The following CDK12 variants were observed in gnomAD, a reference collection of about 807,000 sequenced individuals.
CDK12 encodes cyclin-dependent kinase 12.
CDK12 carries 17 observed loss-of-function variants against 133.8 expected under a neutral mutation model. The observed-to-expected ratio is 0.13, with a 90% CI of 0.09 to 0.19. CDK12 has a LOEUF of 0.19. Ranked by LOEUF, CDK12 falls within the 10% of genes least tolerant of loss-of-function variation. CDK12 has a pLI of 1.00. For missense variants in CDK12, 1,508 were observed against 1,818.7 expected, an observed-to-expected ratio of 0.83 and a Z score of 3.11; for synonymous variants, 694 against 683.6, an observed-to-expected ratio of 1.02 and a Z score of -0.24.
rs1224696509 is a variant in CDK12 at position 39,499,224 on chromosome 17, TG to T, written c.2420-2025del. Reference sequence around the variant, plus strand: ...CTTTCTTTCCTTTTTTTTTTTTTTTTGAGACAGAGTCTTGCTCTTTTTGCCC... The same window carrying T: ...CTTTCTTTCCTTTTTTTTTTTTTTTTAGACAGAGTCTTGCTCTTTTTGCCC... On this transcript the variant is annotated intron_variant, in intron 5 of 13. Transcript: ENST00000447079. 3.8e-5 allele frequency among the ~76,000 whole-genome samples: 4 copies of T among 104,794 alleles called. 1 individual carries two copies. The highest frequency in any genetic ancestry group is 1.9e-4 in the African/African-American group (4 of 20,662). The allele number at this position is 104,794 out of a possible 152,430, so 68.7% of individuals were successfully genotyped here.
intron 9 of CDK12, 26 bp downstream of exon 9, chr17:39,515,834 T>C: frequency 6.7e-7 from 1 of 1,483,976 alleles, no homozygotes; most frequent in Non-Finnish European, 9.3e-7. Flanking sequence ...TGCTCTTGAG[T>C]GCCCAGGTGT....
chr17:39,462,614 G>A lies in CDK12; in HGVS notation c.543G>A (p.Lys181=), dbSNP rs908457937. Residue 181 remains lysine (K), a synonymous_variant, in exon 1 of 14, where the codon AAG becomes AAA. Coordinates refer to ENST00000447079, the MANE Select transcript of CDK12 (RefSeq NM_016507.4). ...SKESRSSKLH[K]EKTRKERELK... ...AATCCAGGTCATCCAAGCTCCACAA[G>A]GAGAAGACCAGGAAAGAACGGGAGC... 3.1e-6 allele frequency: 5 copies of A among 1,614,118 alleles called. No homozygotes were observed. The highest frequency in any genetic ancestry group is 2.2e-5 in the East Asian group (1 of 44,868).
At chr17:39,528,622 AC>A (rs1463551646) in intron 13 of CDK12, among the ~76,000 whole-genome samples, 1 of 152,238 alleles carries the variant, frequency 6.6e-6, no homozygotes, top group Non-Finnish European at 1.5e-5. Flanking sequence ...GGCATGAGCC[AC>A]CATGCCCAGC....
chr17:39,466,876 T>A (rs775462421), intron 1 of CDK12, among the ~76,000 whole-genome samples: 17 of 152,004 alleles, frequency 1.1e-4, no homozygotes, highest in African/African-American at 1.4e-4. Context: ...TACAAAAATT[T>A]TGTAGAGTCA....
At position 39,494,620 on chromosome 17, in the gene CDK12, T is replaced by G. The variant is rs763275067; in HGVS notation, c.2345T>G (p.Ile782Ser). 1.2e-6 allele frequency: 2 copies of G among 1,610,948 alleles called. No homozygotes were observed. Among genetic ancestry groups the G allele is most frequent in the Non-Finnish European group, 1.7e-6 (2 of 1,178,046 alleles). The change falls in exon 5 of 14, where the codon ATC (isoleucine) becomes AGC (serine). Residue 782 changes from isoleucine to serine, a missense_variant. Physicochemically the swap from Ile to Ser is moderately radical, Grantham distance 142. This residue lies in a region of CDK12 where 74 missense variants were observed against 160.2 expected (regional missense o/e 0.46). Coordinates refer to ENST00000447079, the MANE Select transcript of CDK12 (RefSeq NM_016507.4). ...GAAATCAAAATCCTTCGTCAGTTAATCCACCGAAGTGTTGTTAACATGAAG... is the reference window on the plus strand; with the variant it reads ...GAAATCAAAATCCTTCGTCAGTTAAGCCACCGAAGTGTTGTTAACATGAAG... ...IREIKILRQLIHRSVVNMKEI... is the reference protein window; with the variant it reads ...IREIKILRQLSHRSVVNMKEI...
At chr17:39,479,589 A>G (rs2050475834) in intron 2 of CDK12, among the ~76,000 whole-genome samples, 1 of 152,030 alleles carries the variant, frequency 6.6e-6, no homozygotes, top group Non-Finnish European at 1.5e-5. Context: ...TAAAGCTTAC[A>G]TTAGAGGATT....
At chr17:39,559,944 C>T (rs1043430207) in intron 3 of CDK12, among the ~76,000 whole-genome samples, 6 of 151,660 alleles carry the variant, frequency 4.0e-5, no homozygotes, top group Non-Finnish European at 7.4e-5. Flanking sequence ...GTGCCTGCCA[C>T]CATGCCAGAC....
chr17:39,470,964 C>T lies in CDK12; in HGVS notation c.1132C>T (p.Arg378Cys), dbSNP rs370304179. 5 of 1,613,846 alleles carry T rather than the reference C, an allele frequency of 3.1e-6. No individual in the cohort carries two copies. The highest frequency in any genetic ancestry group is 4.2e-6 in the Non-Finnish European group (5 of 1,179,874). The change falls in exon 2 of 14, where the codon CGC becomes TGC. Residue 378 changes from arginine to cysteine, a missense_variant. Arg to Cys is a radical substitution (Grantham distance 180). Transcript: ENST00000447079. ...TAGTAAAAAGAAGAGATCCAGTTCACGCAGTCGTCATTCCAGTATCTCACC... is the reference window on the plus strand; with the variant it reads ...TAGTAAAAAGAAGAGATCCAGTTCATGCAGTCGTCATTCCAGTATCTCACC... ...SHSKKKRSSS[R>C]SRHSSISPVR...
chr17:39,510,729 T>A (rs1204245895), intron 7 of CDK12, among the ~76,000 whole-genome samples: 1 of 151,512 alleles, frequency 6.6e-6, no homozygotes, highest in Non-Finnish European at 1.5e-5. Flanking sequence ...TTCCCCTGCC[T>A]CAGCCTCCTG....
At chr17:39,507,863 A>G (rs1026089955) in intron 6 of CDK12, among the ~76,000 whole-genome samples, 1 of 152,132 alleles carries the variant, frequency 6.6e-6, no homozygotes, top group African/African-American at 2.4e-5. Flanking sequence ...ATTGAACTTA[A>G]TGTAATGGTG....
intron 2 of CDK12, among the ~76,000 whole-genome samples, chr17:39,472,715 T>C (rs1350707031): frequency 6.6e-6 from 1 of 152,154 alleles, no homozygotes; most frequent in African/African-American, 2.4e-5. Flanking sequence ...ACGTTCTATA[T>C]AATTACAATA....
At chr17:39,474,035 T>C (rs868170780) in intron 2 of CDK12, among the ~76,000 whole-genome samples, 36 of 152,184 alleles carry the variant, frequency 2.4e-4, no homozygotes, top group Middle Eastern at 6.8e-3. Flanking sequence ...CCAGCCTGGG[T>C]GACAGAGCGA....
At chr17:39,488,432 C>G (rs2051310549) in intron 2 of CDK12, among the ~76,000 whole-genome samples, 1 of 152,028 alleles carries the variant, frequency 6.6e-6, no homozygotes, top group Non-Finnish European at 1.5e-5. Flanking sequence ...TTTGGCTGGT[C>G]AGGTTTGCCT....
chr17:39,563,412 T>C (rs907162822), intron 3 of CDK12, among the ~76,000 whole-genome samples: 3 of 151,156 alleles, frequency 2.0e-5, no homozygotes, highest in African/African-American at 7.3e-5. Context: ...TCTCTCTTTT[T>C]ACTTGTTTCC....
chr17:39,462,647 T>C lies in CDK12; in HGVS notation c.576T>C (p.Ser192=). ...CCAGGAAAGAACGGGAGCTGAAGTC[T>C]GGGCACAAAGACCGGAGTAAAAGTC... ...EKTRKERELK[S]GHKDRSKSHR... The change falls in exon 1 of 14, where the codon TCT becomes TCC. Residue 192 remains serine, a synonymous_variant. Transcript: ENST00000447079. 1 of 1,614,054 alleles carries C rather than the reference T, an allele frequency of 6.2e-7. No homozygotes were observed. Among genetic ancestry groups the C allele is most frequent in the Non-Finnish European group, 8.5e-7 (1 of 1,180,026 alleles).
At chr17:39,490,473 G>A (rs1304216863) in intron 2 of CDK12, 84 bp from the exon 3 acceptor site, 9 of 860,864 alleles carry the variant, frequency 1.0e-5, no homozygotes, top group Admixed American at 5.9e-5. Context: ...TAACCTTTTC[G>A]TAACCAGGCA....
chr17:39,477,570 AT>A (rs1158067763), intron 2 of CDK12, among the ~76,000 whole-genome samples: 130 of 140,072 alleles, frequency 9.3e-4, no homozygotes, highest in African/African-American at 3.3e-3. Context: ...TTTATTTATT[AT>A]TTATTTTTTT....
chr17:39,558,816 G>A (rs868483823), intron 3 of CDK12, among the ~76,000 whole-genome samples: 11 of 152,024 alleles, frequency 7.2e-5, no homozygotes, highest in Non-Finnish European at 7.4e-5. Context: ...GCTAATTTTC[G>A]TTTTTTTAGT....
intron 11 of CDK12, among the ~76,000 whole-genome samples, chr17:39,522,205 A>G (rs2054217224): frequency 6.6e-6 from 1 of 151,430 alleles, no homozygotes; most frequent in Non-Finnish European, 1.5e-5. Flanking sequence ...TTCCTGCCTC[A>G]GCCTCCCGAG....
Sources: allele counts gnomAD v4.1 joint callset (sites outside exome capture counted in the v4.1 genomes callset), GRCh38; gene constraint gnomAD v4.1.1; regional missense constraint gnomAD v4.1.1; transcripts MANE v1.5; gene names NCBI Gene and HGNC (gene_info 2026-07-23, HGNC 2026-07-21).